The following MACROD1 variants were observed in gnomAD, a reference collection of about 807,000 sequenced individuals.
MACROD1 encodes ADP-ribose glycohydrolase MACROD1.
A neutral mutation model predicts 41.4 loss-of-function variants in MACROD1; 31 were observed. The observed-to-expected ratio is 0.75, with a 90% CI of 0.56 to 1.01. The LOEUF is 1.01. MACROD1 is among the 50% of genes least tolerant of loss of function. The probability of loss-of-function intolerance (pLI) is 0.00; values close to 1 mark genes in which losing one functional copy is unlikely to be tolerated. For synonymous variants in MACROD1, 252 were observed against 203.4 expected, an observed-to-expected ratio of 1.24 and a Z score of -2.03; for missense variants, 473 against 460.0, an observed-to-expected ratio of 1.03 and a Z score of -0.26.
chr11:64,062,702 G>T (rs1387658083), intron 3 of MACROD1, among the ~76,000 whole-genome samples: 11 of 152,204 alleles, frequency 7.2e-5, no homozygotes, highest in African/African-American at 2.7e-4. Flanking sequence ...AAGGCTTCCA[G>T]TGTGCCCGTC....
chr11:64,030,050 A>C (rs1943273356), intron 3 of MACROD1, among the ~76,000 whole-genome samples: 1 of 151,838 alleles, frequency 6.6e-6, no homozygotes, highest in African/African-American at 2.4e-5. Context: ...AGGTGGAACA[A>C]CCACCCCCCG....
intron 4 of MACROD1, among the ~76,000 whole-genome samples, chr11:64,009,332 C>T (rs1942965917): frequency 1.3e-5 from 2 of 152,150 alleles, no homozygotes; most frequent in African/African-American, 2.4e-5. Context: ...AAGGGTCTGT[C>T]GGGAAGGCTG....
chr11:63,999,271 T>TG (rs1348799480), intron 8 of MACROD1, 60 bp downstream of exon 8: 36 of 1,523,966 alleles, frequency 2.4e-5, no homozygotes, highest in Non-Finnish European at 2.6e-5. Context: ...TGGGCGATGA[T>TG]GGGGGCTGGT....
intron 1 of MACROD1, among the ~76,000 whole-genome samples, chr11:64,160,525 C>G (rs1468406073): frequency 6.6e-6 from 1 of 152,148 alleles, no homozygotes; most frequent in African/African-American, 2.4e-5. Flanking sequence ...GTTCAGGAAG[C>G]CAGGCACAGT....
chr11:64,027,456 G>A (rs760508992), intron 3 of MACROD1, among the ~76,000 whole-genome samples: 15 of 152,180 alleles, frequency 9.9e-5, no homozygotes, highest in Non-Finnish European at 2.1e-4. Flanking sequence ...GGACCAAAGA[G>A]AAGACCGTGG....
At chr11:64,071,508 G>A (rs1189642916) in intron 3 of MACROD1, among the ~76,000 whole-genome samples, 5 of 152,152 alleles carry the variant, frequency 3.3e-5, no homozygotes, top group Non-Finnish European at 5.9e-5. Context: ...AGCTCGCCCA[G>A]GAGTCACCCT....
chr11:64,044,161 A>G (rs1044153906), intron 3 of MACROD1, among the ~76,000 whole-genome samples: 1 of 152,078 alleles, frequency 6.6e-6, no homozygotes, highest in African/African-American at 2.4e-5. Context: ...CCCTCAGCCT[A>G]CAACACATGA....
intron 3 of MACROD1, among the ~76,000 whole-genome samples, chr11:64,148,324 C>T (rs906135738): frequency 6.6e-6 from 1 of 152,294 alleles, no homozygotes; most frequent in Admixed American, 6.5e-5. Context: ...CACATCCCTG[C>T]AGCTGGACCC....
chr11:64,084,055 C>A (rs891233863), intron 3 of MACROD1, among the ~76,000 whole-genome samples: 1 of 152,276 alleles, frequency 6.6e-6, no homozygotes, highest in South Asian at 2.1e-4. Context: ...GAGGCAGAGA[C>A]TGAGGTTTCC....
rs709594 is a variant in MACROD1, at chr11:63,999,714, A to G, written c.714T>C (p.Ser238=). The part of the protein sequence containing the change: ...GPIAYGEPSA[S]QAAELRSCYL... ...AGCAGCTGCGGAGCTCGGCAGCCTG[A>G]CTGGCGCTGGGCTCCCCGTAGGCGA... Residue 238 remains serine, a synonymous_variant, in exon 6 of 11, where the codon AGT becomes AGC. Coordinates refer to ENST00000255681, the MANE Select transcript of MACROD1 (RefSeq NM_014067.4). 0.44 allele frequency: 710,331 copies of G among 1,606,966 alleles called. 164,276 individuals carry two copies. Among genetic ancestry groups the G allele is most frequent in the African/African-American group, 0.72 (53,704 of 74,872 alleles).
intron 3 of MACROD1, among the ~76,000 whole-genome samples, chr11:64,124,637 C>T (rs1207057029): frequency 6.6e-6 from 1 of 151,848 alleles, no homozygotes; most frequent in African/African-American, 2.4e-5. Flanking sequence ...AACAGATTTG[C>T]GGGTGTGCCT....
chr11:64,095,146 A>AACG (rs1294813215), intron 3 of MACROD1, among the ~76,000 whole-genome samples: 1 of 152,232 alleles, frequency 6.6e-6, no homozygotes, highest in Non-Finnish European at 1.5e-5. Flanking sequence ...ATGGGGAAGG[A>AACG]ACGACATTCC....
At chr11:64,021,951 GTGTGAGGTGGCGGC>G (rs1943161613) in intron 3 of MACROD1, among the ~76,000 whole-genome samples, 2 of 25,570 alleles carry the variant, frequency 7.8e-5, no homozygotes, top group Non-Finnish European at 9.5e-5. Context: ...GGGGGGGGGG[GTGTGAGGTGGCGGC>G]GGGCAGTGGA....
chr11:64,118,298 G>A lies in MACROD1; in HGVS notation c.517+32941C>T, dbSNP rs201346437. The A allele has an allele frequency of 1.1e-4, 177 of 1,541,950 alleles. 1 individual carries two copies. The highest frequency in any genetic ancestry group is 1.0e-3 in the Admixed American group (54 of 53,610). On this transcript the variant is annotated intron_variant, in intron 3 of 10. Transcript: ENST00000255681. ...TAGACTACTCCTACACATGATGCCC[G>A]CCCACCCGGGCTGCCCCGCCTCAGC... is the stretch of plus-strand genomic sequence containing the variant.
Position 64,129,784 on chromosome 11 carries a change from G to T in MACROD1, c.517+21455C>A, listed in dbSNP as rs376152120. 1.1e-4 allele frequency among the ~76,000 whole-genome samples: 17 copies of T among 152,318 alleles called. No homozygotes were observed. The South Asian group carries it at 3.3e-3, about 30-fold the overall frequency. On this transcript the variant is annotated intron_variant, in intron 3 of 10. Transcript: ENST00000255681. The stretch of plus-strand genomic sequence containing the variant: ...CCTTAGGCTTCAGGATTGGGGGTGG[G>T]TGTGGGGGACATCTCAGGTTTTAAT...
chr11:64,130,684 C>A (rs1945252511), intron 3 of MACROD1, among the ~76,000 whole-genome samples: 1 of 152,190 alleles, frequency 6.6e-6, no homozygotes, highest in South Asian at 2.1e-4. Flanking sequence ...GCTTCCAGGA[C>A]CCCCCCACAC....
At chr11:64,114,055 CATGGATGGATGG>C (rs61724501) in intron 3 of MACROD1, among the ~76,000 whole-genome samples, 120 of 98,126 alleles carry the variant, frequency 1.2e-3, no homozygotes, top group Admixed American at 1.9e-3. Flanking sequence ...TGGGTTGATG[CATGGATGGATGG>C]ATGGATGGAT....
intron 1 of MACROD1, among the ~76,000 whole-genome samples, chr11:64,156,267 C>A (rs777658814): frequency 3.3e-5 from 5 of 152,288 alleles, no homozygotes; most frequent in Admixed American, 3.3e-4. Context: ...CCCAACAGAG[C>A]GAGACCTTGT....
At chr11:64,065,864 C>T (rs1045492390) in intron 3 of MACROD1, among the ~76,000 whole-genome samples, 6 of 151,484 alleles carry the variant, frequency 4.0e-5, no homozygotes, top group Admixed American at 1.3e-4. Flanking sequence ...GGTGGGAGAT[C>T]GCAACAACCA....
Sources: allele counts gnomAD v4.1 joint callset (sites outside exome capture counted in the v4.1 genomes callset), GRCh38; gene constraint gnomAD v4.1.1; transcripts MANE v1.5; gene names NCBI Gene and HGNC (gene_info 2026-07-23, HGNC 2026-07-21).